EPB41: variants seen among roughly 807,000 people sequenced by gnomAD.
EPB41 encodes erythrocyte membrane protein band 4.1, also known as protein 4.1.
EPB41 carries 65 observed loss-of-function variants against 108.0 expected under a neutral mutation model. The observed-to-expected ratio is 0.60, with a 90% CI of 0.49 to 0.74. EPB41 has a LOEUF of 0.74. EPB41 is among the 30% of genes least tolerant of loss of function. The pLI, the probability that EPB41 is intolerant of heterozygous loss-of-function variation, is 0.00. For synonymous variants in EPB41, 336 were observed against 358.9 expected (o/e 0.94, Z 0.72); for missense variants, 875 against 1,037.0 (o/e 0.84, Z 2.15).
At position 29,033,141 on chromosome 1, in the gene EPB41, C is replaced by T; in HGVS notation, c.1261C>T (p.Leu421=). The change falls in exon 9 of 21, where the codon CTG becomes TTG. Residue 421 remains leucine (L), a synonymous_variant. Transcript: ENST00000343067. ...IILGVCSSGL[L]VYKDKLRINR... is the part of the protein sequence containing the mutation. ...CCTAGGTGTCTGCTCTAGTGGCCTT[C>T]TGGTTTACAAAGATAAGCTGAGAAT... is the stretch of plus-strand genomic sequence containing the variant. 1 of 1,613,948 alleles carries T rather than the reference C, an allele frequency of 6.2e-7. No individual in the cohort carries two copies. The highest frequency in any genetic ancestry group is 1.1e-5 in the South Asian group (1 of 91,064).
At chr1:28,905,962 C>T (rs203293) in intron 1 of EPB41, among the ~76,000 whole-genome samples, 18,551 of 151,724 alleles carry the variant, frequency 0.12, 1,547 homozygotes, top group African/African-American at 0.25. Flanking sequence ...GTACTACAGG[C>T]GCCCACCACC....
In EPB41 at chr1:29,115,328, G is replaced by A. The variant is rs1670543319; in HGVS notation, c.2497-371G>A. ...GAACTGCTTGAACCTGGGAGGCGGA[G>A]GTTGCAGTGAGCCGAGATTGCACCA... is the stretch of plus-strand genomic sequence containing the variant. On this transcript the variant is annotated intron_variant, in intron 19 of 20. Coordinates refer to ENST00000343067, the MANE Select transcript of EPB41 (RefSeq NM_001376013.1). The surrounding 1 kb of genome is among the most constrained non-coding windows in gnomAD (Gnocchi z 4.4). Among the ~76,000 whole-genome samples, 1 of 152,136 alleles carries A rather than the reference G, an allele frequency of 6.6e-6. No individual in the cohort carries two copies. The highest frequency in any genetic ancestry group is 1.5e-5 in the Non-Finnish European group (1 of 68,028).
intron 16 of EPB41, among the ~76,000 whole-genome samples, chr1:29,090,643 G>C (rs781672494): frequency 6.6e-6 from 1 of 152,146 alleles, no homozygotes; most frequent in Non-Finnish European, 1.5e-5. Flanking sequence ...CCAGCTACTC[G>C]GGAGGCTGAG....
chr1:28,906,601 C>A (rs887265512), intron 1 of EPB41, among the ~76,000 whole-genome samples: 4 of 152,074 alleles, frequency 2.6e-5, no homozygotes, highest in African/African-American at 9.7e-5. Flanking sequence ...CAGAAGTAGT[C>A]AGGACAGCCT....
intron 1 of EPB41, among the ~76,000 whole-genome samples, chr1:28,948,184 G>A (rs2094555048): frequency 6.6e-6 from 1 of 152,126 alleles, no homozygotes; most frequent in African/African-American, 2.4e-5. Context: ...GGATGGTACT[G>A]AATTTACTTG....
At chr1:29,113,820 T>A (rs2151742792) in intron 19 of EPB41, among the ~76,000 whole-genome samples, 1 of 151,968 alleles carries the variant, frequency 6.6e-6, no homozygotes, top group Non-Finnish European at 1.5e-5. Context: ...TTACTGAGAG[T>A]GCATGGAAGG....
rs1042658266 is a variant in EPB41, at chr1:28,891,071, T to C, written c.-8+3861T>C. Reference sequence around the variant, plus strand: ...CAGGTCAGCCAGGGCCCACTAGGGGTTTCCCCAGAGGGGCAGCCCCACGCA... The same window carrying C: ...CAGGTCAGCCAGGGCCCACTAGGGGCTTCCCCAGAGGGGCAGCCCCACGCA... On this transcript the variant is annotated intron_variant, in intron 1 of 16. Transcript: ENST00000347529. The C allele has an allele frequency of 3.2e-5, 27 of 846,752 alleles. No individual in the cohort carries two copies. In the African/African-American group the frequency reaches 3.7e-4, roughly 12 times the overall value. The allele number at this position is 846,752 out of a possible 1,614,324, so 52.5% of individuals were successfully genotyped here. A position where few individuals can be genotyped will look rare whatever the true frequency, so the allele number is the denominator to read the frequency against.
At chr1:28,977,407 TTTTTAAAGG>T (rs1485690781) in intron 1 of EPB41, among the ~76,000 whole-genome samples, 1 of 151,848 alleles carries the variant, frequency 6.6e-6, no homozygotes, top group African/African-American at 2.4e-5. Flanking sequence ...TTTTTTTTTT[TTTTTAAAGG>T]TTTGATTTGT....
At chr1:29,060,617 T>C (rs1646345918) in intron 15 of EPB41, 133 bp downstream of exon 15, 10 of 733,472 alleles carry the variant, frequency 1.4e-5, no homozygotes, top group Admixed American at 2.3e-5. Flanking sequence ...AGGTTTAAAA[T>C]GCTTTTGCAT....
chr1:29,010,688 G>C (rs1198545070), intron 4 of EPB41, among the ~76,000 whole-genome samples: 1 of 152,194 alleles, frequency 6.6e-6, no homozygotes, highest in Non-Finnish European at 1.5e-5. Flanking sequence ...GTGGTGTGCA[G>C]ATTCTAAGTG....
At chr1:28,946,672 G>T (rs2094499773) in intron 1 of EPB41, among the ~76,000 whole-genome samples, 1 of 152,112 alleles carries the variant, frequency 6.6e-6, no homozygotes, top group South Asian at 2.1e-4. Flanking sequence ...TTTCATTGAA[G>T]TAGTAACTGC....
At chr1:29,102,698 G>A (rs189475923) in intron 17 of EPB41, among the ~76,000 whole-genome samples, 191 of 151,794 alleles carry the variant, frequency 1.3e-3, no homozygotes, top group African/African-American at 4.4e-3. Flanking sequence ...AGTGATTCTC[G>A]TGCCTCAGCC....
At chr1:28,932,471 CTT>C (rs529648503) in intron 1 of EPB41, among the ~76,000 whole-genome samples, 3 of 141,394 alleles carry the variant, frequency 2.1e-5, no homozygotes. Flanking sequence ...GCTTTTTCTC[CTT>C]TTTTTTTTTT....
At chr1:28,937,369 C>T (rs79640698) in intron 1 of EPB41, among the ~76,000 whole-genome samples, 2,717 of 152,188 alleles carry the variant, frequency 0.018, 42 homozygotes, top group Non-Finnish European at 0.026. Flanking sequence ...ACTTTTCTGA[C>T]GCATTTTAAA....
intron 16 of EPB41, chr1:29,069,610 A>G (rs550321355): frequency 8.1e-6 from 2 of 248,196 alleles, no homozygotes; most frequent in South Asian, 3.2e-4. Flanking sequence ...GTTGTTTTTA[A>G]AGTCTATATG....
chr1:29,058,723 T>TA (rs1361143975), intron 13 of EPB41, 78 bp downstream of exon 13: 2 of 1,542,338 alleles, frequency 1.3e-6, no homozygotes, highest in Non-Finnish European at 1.8e-6. Flanking sequence ...CCCTTTTCCT[T>TA]AAAAAAATTA....
intron 17 of EPB41, 38 bp downstream of exon 17, chr1:29,097,973 A>G: frequency 6.2e-7 from 1 of 1,613,752 alleles, no homozygotes; most frequent in Non-Finnish European, 8.5e-7. Flanking sequence ...CAAAGGCTGC[A>G]AACAAAATTA....
At chr1:28,928,506 C>T (rs1189296027) in intron 1 of EPB41, among the ~76,000 whole-genome samples, 1 of 152,184 alleles carries the variant, frequency 6.6e-6, no homozygotes, top group Non-Finnish European at 1.5e-5. Flanking sequence ...GTAGGGAGGC[C>T]TTCCTTTTAC....
chr1:28,926,781 A>G (rs1020264431), intron 1 of EPB41, among the ~76,000 whole-genome samples: 1 of 152,226 alleles, frequency 6.6e-6, no homozygotes. Context: ...ATAATCTTGC[A>G]ATGAGAATAA....
Sources: gnomAD v4.1 joint callset for allele counts (sites outside exome capture counted in the v4.1 genomes callset) on GRCh38, gnomAD v4.1.1 for gene constraint, Gnocchi (gnomAD v3.1) non-coding constraint, MANE v1.5 for transcripts, NCBI Gene and HGNC (gene_info 2026-07-23, HGNC 2026-07-21) for gene names.